Variants in TPP1 observed in about 807,000 individuals in gnomAD.
TPP1 encodes tripeptidyl peptidase 1.
In TPP1, 43 loss-of-function variants were observed where a neutral mutation model predicts 67.6. The ratio of observed to expected loss-of-function variants is 0.64; its 90% CI spans 0.50 to 0.82. The LOEUF (loss-of-function observed/expected upper bound fraction) is 0.82, where lower values mean the gene tolerates loss of function less well. Ranked by LOEUF, TPP1 falls within the 40% of genes least tolerant of loss-of-function variation. TPP1 has a pLI of 0.00. For synonymous variants in TPP1, 272 were observed against 281.5 expected (o/e 0.97, Z 0.34); for missense variants, 671 against 710.9 (o/e 0.94, Z 0.64).
rs1855522375 is a variant in TPP1 at position 6,613,164 on chromosome 11, T to C, written c.*1382A>G. 1 of 152,136 alleles carries C rather than the reference T, an allele frequency of 6.6e-6. No individual in the cohort carries two copies. Among genetic ancestry groups the C allele is most frequent in the South Asian group, 2.1e-4 (1 of 4,832 alleles). The allele number at this position is 152,136 out of a possible 1,614,324, so 9.4% of individuals were successfully genotyped here. A position where few individuals can be genotyped will look rare whatever the true frequency, so the allele number is the denominator to read the frequency against. On this transcript the variant is annotated 3_prime_UTR_variant, in exon 13 of 13. Transcript: ENST00000299427. ...ATATCAGAACCAAGATTCAAACAGG[T>C]TTTGTTTAGAAAATCTAGGATTTTT...
rs201122774 is a variant in TPP1 at position 6,614,234 on chromosome 11, A to G, written c.*312T>C. The G allele has an allele frequency of 7.8e-4, 340 of 437,048 alleles. 3 individuals are homozygous for G. In the East Asian group the frequency reaches 0.015, roughly 19 times the overall value. 27.1% of individuals were successfully genotyped at this position (437,048 alleles called of 1,614,324 possible). ...GAATATCAAGTGAAATAGTGCACAG[A>G]GTCTGTATACAACCCTTTGGAAAAG... On this transcript the variant is annotated 3_prime_UTR_variant, in exon 13 of 13. Transcript: ENST00000299427.
intron 5 of TPP1, 50 bp from the exon 6 acceptor site, chr11:6,617,203 C>T (rs1422015632): frequency 2.5e-6 from 4 of 1,613,740 alleles, no homozygotes; most frequent in Non-Finnish European, 3.4e-6. Context: ...GTAATGCCCA[C>T]CTTACAACTC....
At chr11:6,615,621 T>A (rs766624334) in intron 9 of TPP1, 59 bp from the exon 10 acceptor site, 1 of 1,607,800 alleles carries the variant, frequency 6.2e-7, no homozygotes, top group Non-Finnish European at 8.5e-7. Context: ...CCAAGATATG[T>A]GGGGAGGGGT....
chr11:6,614,910 G>A lies in TPP1; in HGVS notation c.1507C>T (p.Leu503Phe), dbSNP rs1328305332. ...TGCTGCTGGTAGAGCCTTGGGTTGA[G>A]AAAGCCAAGAGGGGGGCGGCCACTA... ...ILSGRPPLGF[L>F]NPRLYQQHGA... The change falls in exon 12 of 13, where the codon CTC becomes TTC. Residue 503 changes from leucine (L) to phenylalanine (F), a missense_variant. By Grantham distance (22) the Leu-to-Phe change is conservative. Transcript: ENST00000299427. 1.9e-6 allele frequency: 3 copies of A among 1,614,132 alleles called. No homozygotes were observed. Among genetic ancestry groups the A allele is most frequent in the South Asian group, 1.1e-5 (1 of 91,080 alleles).
At position 6,614,600 on chromosome 11, in the gene TPP1, T is replaced by C. The variant is rs1272120677; in HGVS notation, c.1638A>G (p.Thr546=). 1 of 1,614,132 alleles carries C rather than the reference T, an allele frequency of 6.2e-7. No individual in the cohort carries two copies. Among genetic ancestry groups the C allele is most frequent in the Non-Finnish European group, 8.5e-7 (1 of 1,180,008 alleles). ...FCSGPGWDPV[T]GWGTPNFPAL... ...CTGGGAAGTTGGGTGTTCCCCAGCC[T>C]GTTACAGGATCCCAGCCAGGACCAG... Residue 546 remains threonine (T), a synonymous_variant, in exon 13 of 13, where the codon ACA becomes ACG. Transcript: ENST00000299427.
chr11:6,619,156 G>C (rs1564856331), intron 2 of TPP1, 40 bp downstream of exon 2: 1 of 1,611,128 alleles, frequency 6.2e-7, no homozygotes. Flanking sequence ...AGGCAGAACA[G>C]GGTATGGGGA....
chr11:6,617,273 C>T (rs745489609), intron 5 of TPP1, 28 bp downstream of exon 5: 8 of 1,614,008 alleles, frequency 5.0e-6, no homozygotes, highest in Non-Finnish European at 5.9e-6. Context: ...CTGTGTGCCC[C>T]AACCCCCATT....
At chr11:6,618,451 A>C (rs1855618678) in intron 3 of TPP1, 1 of 553,510 alleles carries the variant, frequency 1.8e-6, no homozygotes, top group East Asian at 3.1e-5. Flanking sequence ...AAAAGACGGC[A>C]AGAAGGAGAT....
intron 1 of TPP1, 58 bp downstream of exon 1, chr11:6,619,326 C>T: frequency 6.2e-7 from 1 of 1,614,158 alleles, no homozygotes; most frequent in Non-Finnish European, 8.5e-7. Flanking sequence ...TTCCCACCCT[C>T]CCAATGTGTG....
In TPP1 at chr11:6,615,490, A is replaced by G. The variant is rs747179298; in HGVS notation, c.1218T>C (p.Tyr406=). 5.0e-6 allele frequency: 8 copies of G among 1,614,208 alleles called. No individual in the cohort carries two copies. In the East Asian group the frequency reaches 8.9e-5, roughly 18 times the overall value. The change falls in exon 10 of 13, where the codon TAT becomes TAC. Residue 406 remains tyrosine (Y), a synonymous_variant. Coordinates refer to ENST00000299427, the MANE Select transcript of TPP1 (RefSeq NM_000391.4). Reference sequence around the variant, plus strand: ...CATTGCTGAAGCCACCACCACTGATATAGTCAACAATTTCATTTGTGATGA... The same window carrying G: ...CATTGCTGAAGCCACCACCACTGATGTAGTCAACAATTTCATTTGTGATGA... ...PFLITNEIVD[Y]ISGGGFSNVF... is the part of the protein sequence containing the mutation.
At chr11:6,618,516 G>A (rs1321873374) in intron 3 of TPP1, 2 of 602,932 alleles carry the variant, frequency 3.3e-6, no homozygotes, top group Non-Finnish European at 5.9e-6. Flanking sequence ...GTGAACAAAA[G>A]AGGAAATTAG....
Position 6,616,714 on chromosome 11 carries a change from T to C in TPP1, c.833A>G (p.Gln278Arg), listed in dbSNP as rs796053439. The C allele has an allele frequency of 2.5e-6, 4 of 1,613,972 alleles. No individual in the cohort carries two copies. The highest frequency in any genetic ancestry group is 3.4e-6 in the Non-Finnish European group (4 of 1,180,000). ...RAGIEASLDV[Q>R]YLMSAGANIS... ...GTTGGCACCAGCACTCATCAGGTACTGCACATCTAGACTGGCCTCAATCCC... is the reference window on the plus strand; with the variant it reads ...GTTGGCACCAGCACTCATCAGGTACCGCACATCTAGACTGGCCTCAATCCC... The change falls in exon 7 of 13, where the codon CAG becomes CGG. Residue 278 changes from glutamine to arginine, a missense_variant. Coordinates refer to ENST00000299427, the MANE Select transcript of TPP1 (RefSeq NM_000391.4).
chr11:6,613,697 T>C lies in TPP1; in HGVS notation c.*849A>G, dbSNP rs2134589120. 1 of 138,226 alleles carries C rather than the reference T, an allele frequency of 7.2e-6. No individual in the cohort carries two copies. Among genetic ancestry groups the C allele is most frequent in the East Asian group, 1.9e-4 (1 of 5,184 alleles). 8.6% of individuals were successfully genotyped at this position (138,226 alleles called of 1,614,324 possible). A position where few individuals can be genotyped will look rare whatever the true frequency, so the allele number is the denominator to read the frequency against. ...ATGTGCAGTCAGTAGGACTTGTTGA[T>C]TGAGGACTTGTTGATTGAAGGTGGG... On this transcript the variant is annotated 3_prime_UTR_variant, in exon 13 of 13. Transcript: ENST00000299427.
rs757367088 is a variant in TPP1, at chr11:6,614,646, A to G, written c.1592T>C (p.Val531Ala). The G allele has an allele frequency of 1.2e-6, 2 of 1,613,926 alleles. No individual in the cohort carries two copies. Among genetic ancestry groups the G allele is most frequent in the Admixed American group, 3.3e-5 (2 of 59,996 alleles). ...GCHESCLDEE[V>A]EGQGFCSGPG... ...ACCAGAGCAGAAACCCTGGCCCTCT[A>G]CCTCTTCATCCAGACAGGACTCATG... Residue 531 changes from valine (V) to alanine (A), a missense_variant, in exon 13 of 13, where the codon GTA becomes GCA. Val to Ala is a moderately conservative substitution (Grantham distance 64). Transcript: ENST00000299427.
chr11:6,619,266 G>C lies in TPP1; in HGVS notation c.19C>G (p.Leu7Val), dbSNP rs1394809205. 6.2e-7 allele frequency: 1 copy of C among 1,614,194 alleles called. No homozygotes were observed. Among genetic ancestry groups the C allele is most frequent in the South Asian group, 1.1e-5 (1 of 91,082 alleles). MGLQAC[L>V]LGLFALILSG... is the part of the protein sequence containing the mutation. ...AGGATGAGGGCAAAGAGCCCTAGGAGGCTGTAGGGGCAGCAGGTGGGTTTC... is the reference window on the plus strand; with the variant it reads ...AGGATGAGGGCAAAGAGCCCTAGGACGCTGTAGGGGCAGCAGGTGGGTTTC... Residue 7 changes from leucine (L) to valine (V), a missense_variant and splice_region_variant, in exon 2 of 13, where the codon CTC becomes GTC. Leu to Val is a conservative substitution (Grantham distance 32). Coordinates refer to ENST00000299427, the MANE Select transcript of TPP1 (RefSeq NM_000391.4).
chr11:6,616,257 T>G, intron 8 of TPP1, 58 bp downstream of exon 8: 22 of 1,610,424 alleles, frequency 1.4e-5, no homozygotes, highest in Non-Finnish European at 1.9e-5. Flanking sequence ...CACTGTGGAG[T>G]CAAAGCTCCC....
chr11:6,616,770 A>G lies in TPP1; in HGVS notation c.777T>C (p.Arg259=). The G allele has an allele frequency of 6.2e-7, 1 of 1,614,010 alleles. No homozygotes were observed. The highest frequency in any genetic ancestry group is 1.1e-5 in the South Asian group (1 of 91,080). ...GGCCCCGGCCCTGTTGTCCAACCAC[A>G]CGGGCTACTGATGCCTGATGTGCAA... ...GNFAHQASVA[R]VVGQQGRGRA... is the part of the protein sequence containing the mutation. The change falls in exon 7 of 13, where the codon CGT becomes CGC. Residue 259 remains arginine, a synonymous_variant. Transcript: ENST00000299427.
rs910982505 is a variant in TPP1 at position 6,617,153 on chromosome 11, A to G, written c.509T>C (p.Val170Ala). Residue 170 changes from valine (V) to alanine (A), a missense_variant and splice_region_variant, in exon 6 of 13, where the codon GTG becomes GCG. Coordinates refer to ENST00000299427, the MANE Select transcript of TPP1 (RefSeq NM_000391.4). Reference protein sequence around the residue: ...PQALAPHVDFVGGLHRFPPTS... With the variant: ...PQALAPHVDFAGGLHRFPPTS... ...TGGGGGAAAACGGTGCAGTCCCCCC[A>G]CTGTAGGGAGAAGTCAGGCTTGAGG... 5.0e-6 allele frequency: 8 copies of G among 1,613,900 alleles called. No individual in the cohort carries two copies. Among genetic ancestry groups the G allele is most frequent in the Non-Finnish European group, 6.8e-6 (8 of 1,179,978 alleles).
chr11:6,615,895 T>C (rs1300161558), intron 9 of TPP1, 110 bp downstream of exon 9: 1 of 1,305,034 alleles, frequency 7.7e-7, no homozygotes. Context: ...CAGGCAAAGC[T>C]TAAGGCTGAA....
Sources: allele counts gnomAD v4.1 joint callset, GRCh38; gene constraint gnomAD v4.1.1; transcripts MANE v1.5; gene names NCBI Gene and HGNC (gene_info 2026-07-23, HGNC 2026-07-21).